Variants in INPP4B observed in about 807,000 individuals in gnomAD.
INPP4B encodes inositol polyphosphate 4-phosphatase type II.
In INPP4B, 55 loss-of-function variants were observed where a neutral mutation model predicts 122.5. The ratio of observed to expected loss-of-function variants is 0.45; its 90% CI spans 0.36 to 0.56. The LOEUF (loss-of-function observed/expected upper bound fraction) is 0.56, where lower values mean the gene tolerates loss of function less well. Ranked by LOEUF, INPP4B falls within the 20% of genes least tolerant of loss-of-function variation. The pLI, the probability that INPP4B is intolerant of heterozygous loss-of-function variation, is 0.00. For missense variants in INPP4B, 1,000 were observed against 1,097.7 expected (o/e 0.91, Z 1.26); for synonymous variants, 403 against 388.7 (o/e 1.04, Z -0.43).
At chr4:142,723,668 A>C (rs1764976107) in intron 2 of INPP4B, among the ~76,000 whole-genome samples, 1 of 152,302 alleles carries the variant, frequency 6.6e-6, no homozygotes, top group Non-Finnish European at 1.5e-5. Context: ...ATCCTACACA[A>C]AATGAATGTG....
At chr4:142,653,889 T>G (rs1329176021) in intron 2 of INPP4B, among the ~76,000 whole-genome samples, 1 of 152,222 alleles carries the variant, frequency 6.6e-6, no homozygotes, top group African/African-American at 2.4e-5. Context: ...CAAAGGATTA[T>G]AAATCATGCT....
intron 2 of INPP4B, among the ~76,000 whole-genome samples, chr4:142,649,966 G>C (rs1560918303): frequency 6.6e-6 from 1 of 152,238 alleles, no homozygotes; most frequent in Non-Finnish European, 1.5e-5. Context: ...CAGCCAGAGA[G>C]AAAGGTTGGG....
At chr4:142,810,278 T>C (rs1779348765) in intron 1 of INPP4B, among the ~76,000 whole-genome samples, 1 of 152,114 alleles carries the variant, frequency 6.6e-6, no homozygotes, top group Non-Finnish European at 1.5e-5. Flanking sequence ...GTTATGTATA[T>C]CTTGCCAAAA....
chr4:142,054,688 C>T (rs2667099), intron 25 of INPP4B, among the ~76,000 whole-genome samples: 123,641 of 151,874 alleles, frequency 0.81, 52,463 homozygotes, highest in Non-Finnish European at 0.92. Flanking sequence ...TTGCTAAGAC[C>T]AGTGCTATGC....
chr4:142,773,769 A>G (rs1418416406), intron 1 of INPP4B, among the ~76,000 whole-genome samples: 1 of 152,182 alleles, frequency 6.6e-6, no homozygotes, highest in Non-Finnish European at 1.5e-5. Context: ...AGAAAACACT[A>G]TTTCTCCAGT....
At chr4:142,553,507 A>G (rs1311017127) in intron 2 of INPP4B, among the ~76,000 whole-genome samples, 2 of 152,186 alleles carry the variant, frequency 1.3e-5, no homozygotes, top group Non-Finnish European at 1.5e-5. Flanking sequence ...CCAAAGGGCT[A>G]GAGAATTGTT....
Position 142,027,541 on chromosome 4 carries a change from C to T in INPP4B, c.*1241G>A, listed in dbSNP as rs192511755. The T allele has an allele frequency of 1.4e-3, 213 of 152,284 alleles. 2 individuals are homozygous for T. The highest frequency in any genetic ancestry group is 5.0e-3 in the African/African-American group (206 of 41,562). 9.4% of individuals were successfully genotyped at this position (152,284 alleles called of 1,614,324 possible). On this transcript the variant is annotated 3_prime_UTR_variant, in exon 26 of 26. Coordinates refer to ENST00000262992, the MANE Select transcript of INPP4B (RefSeq NM_001101669.3). ...GTGATAAATCCTAATTTCTTTTTAA[C>T]TAGCATTCTCCCTCAATTTTCATGC... is the stretch of plus-strand genomic sequence containing the variant.
chr4:142,501,759 T>C (rs1465377051), intron 2 of INPP4B, among the ~76,000 whole-genome samples: 18 of 151,970 alleles, frequency 1.2e-4, no homozygotes, highest in Admixed American at 1.2e-3. Context: ...ATAATATATA[T>C]ATTCCTGGGC....
intron 2 of INPP4B, among the ~76,000 whole-genome samples, chr4:142,623,108 T>G (rs532568153): frequency 6.6e-6 from 1 of 151,976 alleles, no homozygotes; most frequent in Non-Finnish European, 1.5e-5. Flanking sequence ...CAGAGTCAAA[T>G]CGCCTTTACT....
At chr4:142,419,586 A>G (rs1806439460) in intron 5 of INPP4B, among the ~76,000 whole-genome samples, 1 of 152,100 alleles carries the variant, frequency 6.6e-6, no homozygotes, top group African/African-American at 2.4e-5. Flanking sequence ...TCACTTAACC[A>G]CTCAAAGATT....
chr4:142,472,775 AC>A (rs138154680), intron 2 of INPP4B, among the ~76,000 whole-genome samples: 4,665 of 152,130 alleles, frequency 0.031, 273 homozygotes, highest in African/African-American at 0.11. Flanking sequence ...TATTTCTTTG[AC>A]CCCCCATCAG....
intron 1 of INPP4B, among the ~76,000 whole-genome samples, chr4:142,749,811 A>G (rs755083625): frequency 4.6e-5 from 7 of 152,144 alleles, no homozygotes; most frequent in East Asian, 1.9e-4. Context: ...TACTGAAACT[A>G]TAAGTATTCA....
chr4:142,341,980 A>T (rs1283756611), intron 7 of INPP4B, among the ~76,000 whole-genome samples: 2 of 152,114 alleles, frequency 1.3e-5, no homozygotes, highest in African/African-American at 4.8e-5. Flanking sequence ...GCCTTGTGAG[A>T]CTCTGGGCAG....
At chr4:142,117,203 T>C (rs1419623513) in intron 21 of INPP4B, among the ~76,000 whole-genome samples, 3 of 152,078 alleles carry the variant, frequency 2.0e-5, no homozygotes, top group African/African-American at 4.8e-5. Flanking sequence ...CAGGACCAGA[T>C]GGATTCACAG....
At chr4:142,815,651 C>A (rs1992417) in intron 1 of INPP4B, among the ~76,000 whole-genome samples, 44,992 of 151,938 alleles carry the variant, frequency 0.3, 6,815 homozygotes, top group South Asian at 0.36. Context: ...TAGATTTTTA[C>A]TCTTATGAAG....
Position 142,383,874 on chromosome 4 carries a change from G to A in INPP4B, c.372+19064C>T, listed in dbSNP as rs533309273. 474 of 492,026 alleles carry A rather than the reference G, an allele frequency of 9.6e-4. 9 individuals carry two copies. In the South Asian group the frequency reaches 0.018, roughly 18 times the overall value. 30.5% of individuals were successfully genotyped at this position (492,026 alleles called of 1,614,324 possible). On this transcript the variant is annotated intron_variant, in intron 7 of 25. Coordinates refer to ENST00000262992, the MANE Select transcript of INPP4B (RefSeq NM_001101669.3). ...GTGCTTTGAATAATATCCGGGTGGC[G>A]GGAACACAGGTGTGAGCTTATTATT...
At chr4:142,163,357 C>G (rs1345381309) in intron 16 of INPP4B, among the ~76,000 whole-genome samples, 10 of 151,802 alleles carry the variant, frequency 6.6e-5, no homozygotes, top group Admixed American at 6.6e-4. Flanking sequence ...TGCTACTAGC[C>G]CACTAGTCAC....
At chr4:142,290,224 TGAGATGGAA>T (rs1755816614) in intron 9 of INPP4B, among the ~76,000 whole-genome samples, 1 of 136,490 alleles carries the variant, frequency 7.3e-6, no homozygotes, top group African/African-American at 3.0e-5. Context: ...TTTTTTTTTT[TGAGATGGAA>T]TCTCACTCTG....
rs772530254 is a variant in INPP4B at position 142,027,794 on chromosome 4, A to G, written c.*988T>C. ...CTGAGTAAGGGCAAGGGCAAGTTTG[A>G]TATTCAGGGCAACAGAAAATAATTG... On this transcript the variant is annotated 3_prime_UTR_variant, in exon 26 of 26. Transcript: ENST00000262992. 30 of 162,266 alleles carry G rather than the reference A, an allele frequency of 1.8e-4. No individual in the cohort carries two copies. Among genetic ancestry groups the G allele is most frequent in the African/African-American group, 3.4e-4 (14 of 41,752 alleles). 10.1% of individuals were successfully genotyped at this position (162,266 alleles called of 1,614,324 possible).
Sources: gnomAD v4.1 joint callset for allele counts (sites outside exome capture counted in the v4.1 genomes callset) on GRCh38, gnomAD v4.1.1 for gene constraint, MANE v1.5 for transcripts, NCBI Gene and HGNC (gene_info 2026-07-23, HGNC 2026-07-21) for gene names.